Variants in RASGEF1C observed in about 807,000 individuals in gnomAD.
RASGEF1C encodes the protein RasGEF domain family member 1C, also known as ras-GEF domain-containing family member 1C.
In RASGEF1C, 27 loss-of-function variants were observed where a neutral mutation model predicts 58.1. The ratio of observed to expected loss-of-function variants is 0.46; its 90% CI spans 0.34 to 0.64. The LOEUF (loss-of-function observed/expected upper bound fraction) is 0.64. Among genes scored for constraint, RASGEF1C ranks in the 30% least tolerant of loss-of-function variants. The probability of loss-of-function intolerance (pLI) is 0.01; values close to 1 mark genes in which losing one functional copy is unlikely to be tolerated. For missense variants in RASGEF1C, 502 were observed against 605.1 expected, an observed-to-expected ratio of 0.83 and a Z score of 1.79; for synonymous variants, 243 against 246.3, an observed-to-expected ratio of 0.99 and a Z score of 0.13.
intron 1 of RASGEF1C, among the ~76,000 whole-genome samples, chr5:180,175,347 C>T (rs1380726615): frequency 1.3e-5 from 2 of 152,226 alleles, no homozygotes; most frequent in Non-Finnish European, 2.9e-5. Flanking sequence ...TGCAGATGCC[C>T]AGGCCTCGCC....
chr5:180,166,514 TC>T (rs1184083553), intron 1 of RASGEF1C, among the ~76,000 whole-genome samples: 32 of 150,726 alleles, frequency 2.1e-4, no homozygotes, highest in African/African-American at 5.1e-4. Context: ...AAAGAATTTT[TC>T]TTTTTTTTTT....
chr5:180,194,261 G>T (rs960418719), intron 1 of RASGEF1C, among the ~76,000 whole-genome samples: 5 of 152,166 alleles, frequency 3.3e-5, no homozygotes, highest in Admixed American at 6.5e-5. Flanking sequence ...TATGAAATGC[G>T]CATCTGTCAA....
intron 1 of RASGEF1C, among the ~76,000 whole-genome samples, chr5:180,151,213 C>A (rs1022712965): frequency 7.2e-5 from 11 of 152,146 alleles, no homozygotes; most frequent in Non-Finnish European, 1.6e-4. Flanking sequence ...TTGGAAAAAA[C>A]CACTCTAAAG....
chr5:180,105,826 C>T (rs1400875682), intron 12 of RASGEF1C, among the ~76,000 whole-genome samples: 3 of 152,040 alleles, frequency 2.0e-5, no homozygotes, highest in Admixed American at 2.0e-4. Flanking sequence ...CGAGATCGTG[C>T]CACTGCACTC....
chr5:180,145,279 G>A (rs929854178), intron 1 of RASGEF1C, among the ~76,000 whole-genome samples: 12 of 152,070 alleles, frequency 7.9e-5, no homozygotes, highest in Non-Finnish European at 1.8e-4. Flanking sequence ...TGCCACCACC[G>A]TGTCCGGCTA....
intron 1 of RASGEF1C, among the ~76,000 whole-genome samples, chr5:180,173,777 G>A (rs1031111085): frequency 6.6e-6 from 1 of 152,126 alleles, no homozygotes; most frequent in Non-Finnish European, 1.5e-5. Flanking sequence ...GCTGGGCGTG[G>A]TGGTGGGCGC....
intron 1 of RASGEF1C, among the ~76,000 whole-genome samples, chr5:180,204,658 CTCATCT>C (rs1756459347): frequency 1.3e-5 from 2 of 150,516 alleles, no homozygotes; most frequent in African/African-American, 2.4e-5. Flanking sequence ...ATCTATCTAT[CTCATCT>C]ATCTATCTCT....
intron 1 of RASGEF1C, among the ~76,000 whole-genome samples, chr5:180,157,958 T>A (rs1262198225): frequency 1.3e-5 from 2 of 152,214 alleles, no homozygotes; most frequent in Non-Finnish European, 2.9e-5. Context: ...CTATGCACTC[T>A]GGGTAATAAT....
rs1292901959 is a variant in RASGEF1C at position 180,168,140 on chromosome 5, CA to C, written c.-6-30083del. Among the ~76,000 whole-genome samples, 2 of 151,700 alleles carry C rather than the reference CA, an allele frequency of 1.3e-5. No homozygotes were observed. The highest frequency in any genetic ancestry group is 2.1e-4 in the South Asian group (1 of 4,804). On this transcript the variant is annotated intron_variant, in intron 1 of 13. Coordinates refer to ENST00000361132, the MANE Select transcript of RASGEF1C (RefSeq NM_175062.4). This position sits in a 1 kb window ranked among gnomAD's most constrained non-coding sequence, Gnocchi z 6.0. ...AAAACAAAACAAAAACAAAAACAAACAAAAAAAAGGCCAGGCGCAGTGGCTC... is the reference window on the plus strand; with the variant it reads ...AAAACAAAACAAAAACAAAAACAAACAAAAAAAGGCCAGGCGCAGTGGCTC...
At chr5:180,179,305 A>C (rs1021696524) in intron 1 of RASGEF1C, among the ~76,000 whole-genome samples, 1 of 152,096 alleles carries the variant, frequency 6.6e-6, no homozygotes, top group African/African-American at 2.4e-5. Flanking sequence ...TGCAGGGAGA[A>C]GGGAGTAGAG....
At chr5:180,179,224 A>G (rs547159372) in intron 1 of RASGEF1C, among the ~76,000 whole-genome samples, 34 of 152,024 alleles carry the variant, frequency 2.2e-4, no homozygotes, top group Non-Finnish European at 4.7e-4. Flanking sequence ...GACTGCTGAC[A>G]TAAAGGGAGC....
At chr5:180,208,580 G>C (rs1365992527) in intron 1 of RASGEF1C, among the ~76,000 whole-genome samples, 3 of 152,290 alleles carry the variant, frequency 2.0e-5, no homozygotes, top group Middle Eastern at 6.8e-3. Flanking sequence ...CCTCAAGGGT[G>C]ACAGCACCCT....
chr5:180,190,430 C>T (rs1208495459), intron 1 of RASGEF1C, among the ~76,000 whole-genome samples: 5 of 131,586 alleles, frequency 3.8e-5, no homozygotes, highest in Admixed American at 7.9e-5. Context: ...GCGGAGCTTG[C>T]AGTGAGCTGA....
chr5:180,190,359 G>T (rs528271953), intron 1 of RASGEF1C, among the ~76,000 whole-genome samples: 1 of 151,472 alleles, frequency 6.6e-6, no homozygotes, highest in African/African-American at 2.4e-5. Flanking sequence ...GCGTGGTGGC[G>T]GGCGCCTGTA....
At chr5:180,208,349 TC>T (rs1030971382) in intron 1 of RASGEF1C, among the ~76,000 whole-genome samples, 7 of 152,080 alleles carry the variant, frequency 4.6e-5, no homozygotes, top group Non-Finnish European at 8.8e-5. Context: ...TCCCACAGTT[TC>T]CCACGCCCAC....
At chr5:180,161,536 C>T (rs1196224160) in intron 1 of RASGEF1C, among the ~76,000 whole-genome samples, 1 of 152,262 alleles carries the variant, frequency 6.6e-6, no homozygotes, top group African/African-American at 2.4e-5. Flanking sequence ...CTGACGCGAG[C>T]TCTGTGGTCC....
At chr5:180,116,265 G>A (rs1053050018) in intron 10 of RASGEF1C, among the ~76,000 whole-genome samples, 7 of 152,114 alleles carry the variant, frequency 4.6e-5, no homozygotes, top group Non-Finnish European at 1.0e-4. Context: ...GCCCCGGTCA[G>A]CTTGGAGGTC....
At chr5:180,119,285 C>G in intron 8 of RASGEF1C, 61 bp downstream of exon 8, 1 of 1,386,058 alleles carries the variant, frequency 7.2e-7, no homozygotes, top group Non-Finnish European at 1.0e-6. Flanking sequence ...CTGGCTGCAC[C>G]CACTCCGGCC....
At chr5:180,105,962 T>C (rs1765869360) in intron 12 of RASGEF1C, among the ~76,000 whole-genome samples, 1 of 152,078 alleles carries the variant, frequency 6.6e-6, no homozygotes, top group Non-Finnish European at 1.5e-5. Context: ...AAGTGACTGA[T>C]AGGCAGCATA....
Sources: allele counts gnomAD v4.1 joint callset (sites outside exome capture counted in the v4.1 genomes callset), GRCh38; gene constraint gnomAD v4.1.1; non-coding constraint Gnocchi (gnomAD v3.1); transcripts MANE v1.5; gene names NCBI Gene and HGNC (gene_info 2026-07-23, HGNC 2026-07-21).